The following LINGO2 variants were observed in gnomAD, a reference collection of about 807,000 sequenced individuals.
LINGO2 encodes leucine-rich repeat and immunoglobulin-like domain-containing nogo receptor-interacting protein 2.
A neutral mutation model predicts 30.6 loss-of-function variants in LINGO2; 14 were observed. The observed-to-expected ratio is 0.46, with a 90% confidence interval of 0.30 to 0.72. LINGO2 has a LOEUF of 0.72. LINGO2 is among the 30% of genes least tolerant of loss of function. LINGO2 has a pLI of 0.07. For synonymous variants in LINGO2, 317 were observed against 288.5 expected (o/e 1.10, Z -1.00); for missense variants, 729 against 751.7 (o/e 0.97, Z 0.35).
chr9:28,790,364 T>G, the LINGO2 span, among the ~76,000 whole-genome samples: 1 of 142,778 alleles, frequency 7.0e-6, no homozygotes, highest in African/African-American at 2.6e-5. Flanking sequence ...AATCTCGCTC[T>G]GTGGCCCAGG....
the LINGO2 span, among the ~76,000 whole-genome samples, chr9:28,961,054 T>C: frequency 6.6e-6 from 1 of 152,186 alleles, no homozygotes; most frequent in Non-Finnish European, 1.5e-5. Flanking sequence ...ATTTCTGATA[T>C]GCTCATGTAG....
intron 4 of LINGO2, among the ~76,000 whole-genome samples, chr9:28,158,771 G>A (rs1828206763): frequency 6.6e-6 from 1 of 152,124 alleles, no homozygotes; most frequent in African/African-American, 2.4e-5. Context: ...GATACCCTAA[G>A]GATGAGTTTC....
the LINGO2 span, among the ~76,000 whole-genome samples, chr9:29,118,278 C>A: frequency 6.6e-6 from 1 of 152,148 alleles, no homozygotes; most frequent in Non-Finnish European, 1.5e-5. Context: ...CAGATCCCAA[C>A]TAGATGATGG....
intron 2 of LINGO2, among the ~76,000 whole-genome samples, chr9:28,427,900 G>T (rs1823479888): frequency 6.6e-6 from 1 of 152,028 alleles, no homozygotes; most frequent in Non-Finnish European, 1.5e-5. Context: ...ACATTCAATA[G>T]GTCAACCTCC....
chr9:29,070,055 G>C, the LINGO2 span, among the ~76,000 whole-genome samples: 6 of 150,140 alleles, frequency 4.0e-5, no homozygotes, highest in African/African-American at 1.5e-4. Context: ...AAAGTACTTT[G>C]CTAAATCTTA....
chr9:28,456,915 T>A (rs1824872808), intron 2 of LINGO2, among the ~76,000 whole-genome samples: 1 of 152,214 alleles, frequency 6.6e-6, no homozygotes, highest in South Asian at 2.1e-4. Context: ...AATATTTGGC[T>A]ATTTTTACTT....
chr9:28,865,497 C>A, the LINGO2 span, among the ~76,000 whole-genome samples: 1 of 152,006 alleles, frequency 6.6e-6, no homozygotes, highest in Admixed American at 6.6e-5. Context: ...AAACAAATCA[C>A]CCTGGCCGGG....
chr9:28,561,955 CT>C (rs1823110938), intron 1 of LINGO2, among the ~76,000 whole-genome samples: 2 of 151,404 alleles, frequency 1.3e-5, no homozygotes, highest in Admixed American at 6.6e-5. Flanking sequence ...TTTGTACTCG[CT>C]GAACTTCTAT....
intron 3 of LINGO2, among the ~76,000 whole-genome samples, chr9:28,363,085 A>C (rs1246700963): frequency 6.6e-6 from 1 of 152,156 alleles, no homozygotes; most frequent in African/African-American, 2.4e-5. Flanking sequence ...AGATTATCCT[A>C]TTTAATATTC....
At chr9:28,237,786 G>T (rs954829107) in intron 4 of LINGO2, among the ~76,000 whole-genome samples, 4 of 152,072 alleles carry the variant, frequency 2.6e-5, no homozygotes, top group Non-Finnish European at 5.9e-5. Context: ...CCTAGGAGGT[G>T]GAGGTTGCAG....
At chr9:29,138,849 C>A in the LINGO2 span, among the ~76,000 whole-genome samples, 1 of 152,062 alleles carries the variant, frequency 6.6e-6, no homozygotes. Flanking sequence ...CTGTGGTAGA[C>A]AGCTTGTAAA....
At position 28,147,680 on chromosome 9, in the gene LINGO2, C is replaced by A. The variant is rs955368290; in HGVS notation, c.-86-135275G>T. ...AGGGCTCTGGCGGATCAGCCCCGCACCCCCAACAGCCCCACGGGGGGGCCC... is the reference window on the plus strand; with the variant it reads ...AGGGCTCTGGCGGATCAGCCCCGCAACCCCAACAGCCCCACGGGGGGGCCC... On this transcript the variant is annotated intron_variant, in intron 4 of 5. Coordinates refer to ENST00000379992, the Ensembl canonical transcript of LINGO2. This position sits in a 1 kb window ranked among gnomAD's most constrained non-coding sequence, Gnocchi z 4.7. Among the ~76,000 whole-genome samples, 6 of 152,176 alleles carry A rather than the reference C, an allele frequency of 3.9e-5. No homozygotes were observed. The highest frequency in any genetic ancestry group is 1.4e-4 in the African/African-American group (6 of 41,468).
intron 4 of LINGO2, among the ~76,000 whole-genome samples, chr9:28,079,725 C>A (rs561245950): frequency 6.6e-6 from 1 of 152,144 alleles, no homozygotes; most frequent in African/African-American, 2.4e-5. Context: ...TCATTTATTT[C>A]CAAGGTTTTA....
chr9:28,296,392 T>G (rs1295081130), intron 3 of LINGO2, among the ~76,000 whole-genome samples: 1 of 152,188 alleles, frequency 6.6e-6, no homozygotes, highest in East Asian at 1.9e-4. Context: ...ATTTTCTACG[T>G]AGTGCACAGA....
At chr9:28,848,055 A>ACACAC in the LINGO2 span, among the ~76,000 whole-genome samples, 5 of 56,676 alleles carry the variant, frequency 8.8e-5, no homozygotes, top group Middle Eastern at 0.024. Context: ...GTATATATAT[A>ACACAC]TATATATGTA....
chr9:27,956,619 T>C (rs1235586603), intron 5 of LINGO2, among the ~76,000 whole-genome samples: 3 of 152,212 alleles, frequency 2.0e-5, no homozygotes, highest in Non-Finnish European at 1.5e-5. Flanking sequence ...AGAGCCTATA[T>C]GCCAATGTCT....
At chr9:29,167,738 C>G in the LINGO2 span, among the ~76,000 whole-genome samples, 1 of 152,116 alleles carries the variant, frequency 6.6e-6, no homozygotes, top group Non-Finnish European at 1.5e-5. Context: ...TACCTTGTAT[C>G]TCATTTGTAT....
rs1554637636 is a variant in LINGO2 at position 28,561,567 on chromosome 9, T to TATATAATATAACGTATTTAG, written c.-364-85543_-364-85542insCTAAATACGTTATATTATAT. On this transcript the variant is annotated intron_variant, in intron 1 of 5. Transcript: ENST00000379992. ...ATCAGTAATTGGTTTAATAGATTTA[T>TATATAATATAACGTATTTAG]ATATAATATAATGTGTTTATATATT... 3.6e-5 allele frequency among the ~76,000 whole-genome samples: 5 copies of TATATAATATAACGTATTTAG among 138,368 alleles called. No homozygotes were observed. The Admixed American group carries it at 3.7e-4, about 10-fold the overall frequency. 90.8% of individuals were successfully genotyped at this position (138,368 alleles called of 152,430 possible).
intron 1 of LINGO2, among the ~76,000 whole-genome samples, chr9:28,593,354 A>AC (rs1309710293): frequency 6.6e-6 from 1 of 152,078 alleles, no homozygotes; most frequent in Non-Finnish European, 1.5e-5. Flanking sequence ...ATCCCTATTT[A>AC]CTAAATGAGG....
Sources: allele counts gnomAD v4.1 joint callset (sites outside exome capture counted in the v4.1 genomes callset), GRCh38; gene constraint gnomAD v4.1.1; non-coding constraint Gnocchi (gnomAD v3.1); transcripts MANE v1.5; gene names NCBI Gene and HGNC (gene_info 2026-07-23, HGNC 2026-07-21).